FRAS1: variants seen among roughly 807,000 people sequenced by gnomAD.
FRAS1 encodes Fraser extracellular matrix complex subunit 1, also known as extracellular matrix organizing protein FRAS1.
A neutral mutation model predicts 435.2 loss-of-function variants in FRAS1; 290 were observed. The observed-to-expected ratio is 0.67, with a 90% CI of 0.61 to 0.73. The LOEUF (loss-of-function observed/expected upper bound fraction) is 0.73. FRAS1 is among the 30% of genes least tolerant of loss of function. FRAS1 has a pLI of 0.00. For synonymous variants in FRAS1, 1,800 were observed against 1,851.0 expected (o/e 0.97, Z 0.71); for missense variants, 4,860 against 5,001.5 (o/e 0.97, Z 0.85).
At chr4:78,433,791 C>A (rs890252058) in intron 38 of FRAS1, among the ~76,000 whole-genome samples, 1 of 152,148 alleles carries the variant, frequency 6.6e-6, no homozygotes, top group African/African-American at 2.4e-5. Context: ...AGACGATCAC[C>A]AGAGCTTGAA....
At chr4:78,305,739 A>G (rs981792907) in intron 14 of FRAS1, among the ~76,000 whole-genome samples, 24 of 151,882 alleles carry the variant, frequency 1.6e-4, no homozygotes, top group Non-Finnish European at 3.2e-4. Flanking sequence ...ATCCTTTTAT[A>G]TTGAGCCTAT....
Position 78,511,349 on chromosome 4 carries a change from G to A in FRAS1, c.9856G>A (p.Val3286Met). ...VAKAVDKVGH[V>M]GTPLRSNIVT... is the part of the protein sequence containing the mutation. ...CAAGGCTGTGGACAAGGTGGGCCAT[G>A]TGGGGACCCCCTTAAGGAGCAACAT... Residue 3286 changes from valine (V) to methionine (M), a missense_variant, in exon 64 of 74, where the codon GTG becomes ATG. Val to Met is a conservative substitution (Grantham distance 21, BLOSUM62 1). Coordinates refer to ENST00000512123, the MANE Select transcript of FRAS1 (RefSeq NM_025074.7). 6.2e-7 allele frequency: 1 copy of A among 1,613,848 alleles called. No individual in the cohort carries two copies. Among genetic ancestry groups the A allele is most frequent in the Non-Finnish European group, 8.5e-7 (1 of 1,179,786 alleles).
intron 14 of FRAS1, among the ~76,000 whole-genome samples, chr4:78,298,028 C>CTATATATATATA (rs1307535540): frequency 9.8e-6 from 1 of 101,992 alleles, no homozygotes; most frequent in Non-Finnish European, 2.0e-5. Flanking sequence ...CTCTCTCTCT[C>CTATATATATATA]TCTATATATA....
At chr4:78,507,671 A>G (rs763895038) in intron 62 of FRAS1, 63 bp downstream of exon 62, 4 of 1,448,380 alleles carry the variant, frequency 2.8e-6, no homozygotes, top group Non-Finnish European at 3.7e-6. Context: ...TGAGAACTGA[A>G]GGGAAGTACT....
At chr4:78,300,456 G>A (rs1424368073) in intron 14 of FRAS1, among the ~76,000 whole-genome samples, 3 of 152,088 alleles carry the variant, frequency 2.0e-5, no homozygotes, top group Admixed American at 2.0e-4. Flanking sequence ...GGTCTCACAA[G>A]GGAACCAGAT....
Position 78,267,512 on chromosome 4 carries a change from T to C in FRAS1, c.981+80T>C, listed in dbSNP as rs1726426562. 4.4e-6 allele frequency: 6 copies of C among 1,351,328 alleles called. No homozygotes were observed. The South Asian group carries it at 6.9e-5, about 16-fold the overall frequency. The allele number at this position is 1,351,328 out of a possible 1,614,324, so 83.7% of individuals were successfully genotyped here. A position where few individuals can be genotyped will look rare whatever the true frequency, so the allele number is the denominator to read the frequency against. On this transcript the variant is annotated intron_variant, in intron 9 of 73. Coordinates refer to ENST00000512123, the MANE Select transcript of FRAS1 (RefSeq NM_025074.7). The stretch of plus-strand genomic sequence containing the variant: ...GTGAGGGGTCCTGCCTGTTCTTTAC[T>C]TCTTGGCAGCAGCAGGGATGTCCAC...
At chr4:78,399,202 A>G (rs1021196088) in intron 29 of FRAS1, among the ~76,000 whole-genome samples, 1 of 152,156 alleles carries the variant, frequency 6.6e-6, no homozygotes, top group Non-Finnish European at 1.5e-5. Context: ...TGCTGTTCTC[A>G]TGGGCACTGT....
chr4:78,234,982 C>T (rs1210771504), intron 2 of FRAS1, among the ~76,000 whole-genome samples: 1 of 152,188 alleles, frequency 6.6e-6, no homozygotes, highest in Non-Finnish European at 1.5e-5. Flanking sequence ...AAGGGATTGG[C>T]TCATGCGATC....
rs545458253 is a variant in FRAS1 at position 78,279,470 on chromosome 4, T to G, written c.1071+726T>G. Among the ~76,000 whole-genome samples the G allele has an allele frequency of 2.0e-5, 3 of 152,186 alleles. No homozygotes were observed. In the South Asian group the frequency reaches 6.2e-4, roughly 32 times the overall value. ...TGAGACTGGAGGTAGGCAACCTGGT[T>G]GGTGGGGTTTTGTAATGGTCCTGGC... On this transcript the variant is annotated intron_variant, in intron 10 of 73. Coordinates refer to ENST00000512123, the MANE Select transcript of FRAS1 (RefSeq NM_025074.7).
rs1026986623 is a variant in FRAS1 at position 78,147,803 on chromosome 4, A to T, written c.108+81787A>T. ...AAACATTATTATGAAGATGTTAGGGATCCCCTGGGGACTAGATTGCAGGGT... is the reference window on the plus strand; with the variant it reads ...AAACATTATTATGAAGATGTTAGGGTTCCCCTGGGGACTAGATTGCAGGGT... On this transcript the variant is annotated intron_variant, in intron 2 of 73. Transcript: ENST00000512123. 3.3e-5 allele frequency among the ~76,000 whole-genome samples: 5 copies of T among 152,288 alleles called. No individual in the cohort carries two copies. The East Asian group carries it at 9.6e-4, about 29-fold the overall frequency.
chr4:78,495,471 A>G (rs929860661), intron 59 of FRAS1, among the ~76,000 whole-genome samples: 2 of 152,140 alleles, frequency 1.3e-5, no homozygotes, highest in Non-Finnish European at 2.9e-5. Flanking sequence ...TGGGGCACTC[A>G]TGACATTTAC....
intron 47 of FRAS1, among the ~76,000 whole-genome samples, chr4:78,452,957 G>A (rs772612781): frequency 1.3e-5 from 2 of 152,204 alleles, no homozygotes; most frequent in Non-Finnish European, 2.9e-5. Flanking sequence ...CACAGAGGTG[G>A]CATTTAAGAG....
intron 2 of FRAS1, among the ~76,000 whole-genome samples, chr4:78,128,864 C>G (rs1295540678): frequency 6.6e-6 from 1 of 152,132 alleles, no homozygotes; most frequent in Non-Finnish European, 1.5e-5. Flanking sequence ...CCTAGGTTTT[C>G]TTCTAGGGTT....
At chr4:78,299,832 A>T (rs565022758) in intron 14 of FRAS1, among the ~76,000 whole-genome samples, 5 of 152,350 alleles carry the variant, frequency 3.3e-5, no homozygotes, top group Admixed American at 2.0e-4. Flanking sequence ...CTTATGCCCC[A>T]GTGCAGTTTG....
At chr4:78,166,531 C>T (rs968267457) in intron 2 of FRAS1, among the ~76,000 whole-genome samples, 2 of 152,080 alleles carry the variant, frequency 1.3e-5, no homozygotes, top group Admixed American at 6.6e-5. Flanking sequence ...TGAATAATCT[C>T]AAAACTTGTA....
In FRAS1 at chr4:78,544,224, T is replaced by C. The variant is rs1722142172; in HGVS notation, c.*3100T>C. ...AATTTCTGATTTCTCCAATAGTATA[T>C]GCCACTATATAAATTTGTATTAATA... On this transcript the variant is annotated 3_prime_UTR_variant, in exon 74 of 74. Transcript: ENST00000512123. 1 of 152,686 alleles carries C rather than the reference T, an allele frequency of 6.5e-6. No homozygotes were observed. The highest frequency in any genetic ancestry group is 2.1e-4 in the South Asian group (1 of 4,838). 9.5% of individuals were successfully genotyped at this position (152,686 alleles called of 1,614,324 possible). A position where few individuals can be genotyped will look rare whatever the true frequency, so the allele number is the denominator to read the frequency against.
intron 9 of FRAS1, among the ~76,000 whole-genome samples, chr4:78,270,532 G>GCCCCCCCGCCACCCCGC (rs376524021): frequency 8.8e-6 from 1 of 113,744 alleles, no homozygotes. Flanking sequence ...ACCAGCCACC[G>GCCCCCCCGCCACCCCGC]CCCCCCGCCA....
chr4:78,333,425 T>C lies in FRAS1; in HGVS notation c.2278+13T>C, dbSNP rs773201680. The C allele has an allele frequency of 6.8e-6, 11 of 1,608,248 alleles. No homozygotes were observed. In the East Asian group the frequency reaches 1.6e-4, roughly 23 times the overall value. On this transcript the variant is annotated intron_variant, in intron 19 of 73. Transcript: ENST00000512123. The stretch of plus-strand genomic sequence containing the variant: ...GGTAGTTGCACAGGTGAGTATGTAA[T>C]GTGCTGAGGCACATTGCCTATGACC...
At chr4:78,489,328 A>G (rs1164166433) in intron 59 of FRAS1, among the ~76,000 whole-genome samples, 1 of 152,232 alleles carries the variant, frequency 6.6e-6, no homozygotes, top group Non-Finnish European at 1.5e-5. Flanking sequence ...TAACATAAGT[A>G]GTTGATTATC....
Sources: allele counts gnomAD v4.1 joint callset (sites outside exome capture counted in the v4.1 genomes callset), GRCh38; gene constraint gnomAD v4.1.1; transcripts MANE v1.5; gene names NCBI Gene and HGNC (gene_info 2026-07-23, HGNC 2026-07-21).